LMBR1: variants seen among roughly 807,000 people sequenced by gnomAD.
LMBR1 encodes the protein limb development membrane protein 1.
Under a neutral mutation model 73.9 loss-of-function variants are expected in LMBR1, and 52 were observed. The observed-to-expected ratio is 0.70, with a 90% CI of 0.56 to 0.89. The LOEUF (loss-of-function observed/expected upper bound fraction) is 0.89, where lower values mean the gene tolerates loss of function less well. LMBR1 is among the 40% of genes least tolerant of loss of function. The pLI is 0.00. For missense variants in LMBR1, 539 were observed against 579.8 expected, an observed-to-expected ratio of 0.93 and a Z score of 0.72; for synonymous variants, 215 against 209.4, an observed-to-expected ratio of 1.03 and a Z score of -0.23.
chr7:156,795,854 T>A (rs1250235704), intron 5 of LMBR1, among the ~76,000 whole-genome samples: 1 of 152,154 alleles, frequency 6.6e-6, no homozygotes, highest in East Asian at 1.9e-4. Context: ...ACCCGGCCAT[T>A]GACTAAATTT....
intron 1 of LMBR1, among the ~76,000 whole-genome samples, chr7:156,859,581 A>C (rs1247366665): frequency 2.0e-5 from 3 of 149,984 alleles, no homozygotes; most frequent in South Asian, 2.1e-4. Flanking sequence ...AAAAAAAAAA[A>C]CCACCATTTA....
downstream of LMBR1, among the ~76,000 whole-genome samples, chr7:156,673,248 T>G (rs905957134): frequency 6.6e-6 from 1 of 152,234 alleles, no homozygotes; most frequent in African/African-American, 2.4e-5. Flanking sequence ...AGAAAAGATC[T>G]TGCTTTTCAG....
intron 1 of LMBR1, among the ~76,000 whole-genome samples, chr7:156,842,670 GA>G (rs1838928850): frequency 6.6e-6 from 1 of 152,132 alleles, no homozygotes; most frequent in Non-Finnish European, 1.5e-5. Flanking sequence ...ATTCCAGAAG[GA>G]GTATGTAAAT....
intron 9 of LMBR1, among the ~76,000 whole-genome samples, chr7:156,738,148 T>C (rs1392454075): frequency 6.6e-6 from 1 of 151,936 alleles, no homozygotes; most frequent in African/African-American, 2.4e-5. Flanking sequence ...CCGTGTAGTG[T>C]GGAGAGAGAA....
At chr7:156,851,829 T>A (rs1408351506) in intron 1 of LMBR1, among the ~76,000 whole-genome samples, 1 of 152,144 alleles carries the variant, frequency 6.6e-6, no homozygotes, top group Non-Finnish European at 1.5e-5. Context: ...TATGAAAAAA[T>A]TAAAGTTTTA....
intron 1 of LMBR1, among the ~76,000 whole-genome samples, chr7:156,850,711 A>C (rs1176469422): frequency 6.6e-6 from 1 of 151,900 alleles, no homozygotes; most frequent in African/African-American, 2.4e-5. Context: ...ATTCCTTTCA[A>C]ATACAATTGT....
chr7:156,783,910 G>C (rs553273664), intron 5 of LMBR1, among the ~76,000 whole-genome samples: 26 of 152,084 alleles, frequency 1.7e-4, no homozygotes, highest in Middle Eastern at 3.5e-3. Flanking sequence ...CTTCAGAAAT[G>C]AAAGTCTTTT....
chr7:156,725,872 T>A (rs1443822594), intron 12 of LMBR1, 35 bp from the exon 13 acceptor site: 1 of 1,524,272 alleles, frequency 6.6e-7, no homozygotes, highest in Non-Finnish European at 9.1e-7. Flanking sequence ...CAGAATTTGA[T>A]GACACCATTA....
chr7:156,753,428 T>C (rs563277442), intron 9 of LMBR1, among the ~76,000 whole-genome samples: 3 of 151,870 alleles, frequency 2.0e-5, no homozygotes, highest in Non-Finnish European at 4.4e-5. Context: ...AAATGAGGGA[T>C]GTGGGTAGAA....
intron 10 of LMBR1, among the ~76,000 whole-genome samples, chr7:156,731,896 A>G (rs1816893501): frequency 6.6e-6 from 1 of 151,002 alleles, no homozygotes; most frequent in African/African-American, 2.4e-5. Context: ...CACATATACA[A>G]TGATCTTGTA....
intron 1 of LMBR1, among the ~76,000 whole-genome samples, chr7:156,840,155 C>T (rs1331551349): frequency 6.6e-6 from 1 of 152,138 alleles, no homozygotes; most frequent in Non-Finnish European, 1.5e-5. Context: ...TTACTGTGGG[C>T]TTGCTATATA....
chr7:156,874,779 C>T (rs1375976673), intron 1 of LMBR1, among the ~76,000 whole-genome samples: 1 of 152,162 alleles, frequency 6.6e-6, no homozygotes, highest in East Asian at 1.9e-4. Flanking sequence ...CCCCGGGAGA[C>T]AAAAGAATCT....
At chr7:156,689,643 A>G (rs917296851) in intron 15 of LMBR1, among the ~76,000 whole-genome samples, 9 of 152,324 alleles carry the variant, frequency 5.9e-5, no homozygotes, top group African/African-American at 2.2e-4. Context: ...TAATATACCA[A>G]AATATTTTTT....
intron 4 of LMBR1, among the ~76,000 whole-genome samples, chr7:156,807,657 G>A (rs899877210): frequency 7.9e-5 from 12 of 152,028 alleles, no homozygotes; most frequent in Non-Finnish European, 1.3e-4. Context: ...CCTCTCTCAA[G>A]ATTTTTAAAG....
intron 9 of LMBR1, among the ~76,000 whole-genome samples, chr7:156,738,788 G>A (rs1818368930): frequency 6.6e-6 from 1 of 152,074 alleles, no homozygotes; most frequent in African/African-American, 2.4e-5. Flanking sequence ...ACTGACTAAA[G>A]AGCCCTTGGG....
In LMBR1 at chr7:156,681,121, A is replaced by G. The variant is rs1804948369; in HGVS notation, c.*2957T>C. The G allele has an allele frequency of 2.3e-6, 1 of 435,922 alleles. No homozygotes were observed. Among genetic ancestry groups the G allele is most frequent in the South Asian group, 1.7e-5 (1 of 58,990 alleles). 27.0% of individuals were successfully genotyped at this position (435,922 alleles called of 1,614,324 possible). ...ACTTGTAAGAATTCTGCCTTTATGCATTAAATAACGTGCTACCAACAAAAC... is the reference window on the plus strand; with the variant it reads ...ACTTGTAAGAATTCTGCCTTTATGCGTTAAATAACGTGCTACCAACAAAAC... On this transcript the variant is annotated 3_prime_UTR_variant, in exon 17 of 17. Coordinates refer to ENST00000353442, the MANE Select transcript of LMBR1 (RefSeq NM_022458.4).
At position 156,709,335 on chromosome 7, in the gene LMBR1, T is replaced by A. The variant is rs146513740; in HGVS notation, c.1225+14777A>T. ...AAAGCTAATTCCACTGCCTGCAACA[T>A]CCTGGCTAACCAGAGGTCCTGAGTC... On this transcript the variant is annotated intron_variant, in intron 15 of 16. Coordinates refer to ENST00000353442, the MANE Select transcript of LMBR1 (RefSeq NM_022458.4). Among the ~76,000 whole-genome samples the A allele has an allele frequency of 4.9e-3, 742 of 152,300 alleles. 5 individuals are homozygous for A. Among genetic ancestry groups the A allele is most frequent in the African/African-American group, 0.017 (713 of 41,554 alleles).
chr7:156,728,794 G>T, intron 10 of LMBR1, 74 bp from the exon 11 acceptor site: 1 of 1,013,530 alleles, frequency 9.9e-7, no homozygotes, highest in South Asian at 1.5e-5. Context: ...GCTATAATCT[G>T]TTTTATACAT....
At chr7:156,762,856 TG>T (rs1823351818) in intron 7 of LMBR1, among the ~76,000 whole-genome samples, 2 of 151,930 alleles carry the variant, frequency 1.3e-5, no homozygotes, top group African/African-American at 4.8e-5. Context: ...AGTGTGTGTG[TG>T]TGTGTGTGTG....
Sources: gnomAD v4.1 joint callset for allele counts (sites outside exome capture counted in the v4.1 genomes callset) on GRCh38, gnomAD v4.1.1 for gene constraint, MANE v1.5 for transcripts, NCBI Gene and HGNC (gene_info 2026-07-23, HGNC 2026-07-21) for gene names.